IGSF11: variants seen among roughly 807,000 people sequenced by gnomAD.
The protein encoded by IGSF11 is CXADR like 1.
Under a neutral mutation model 41.0 loss-of-function variants are expected in IGSF11, and 22 were observed. The observed-to-expected ratio is 0.54, with a 90% CI of 0.38 to 0.77. IGSF11 has a LOEUF of 0.77. Among genes scored for constraint, IGSF11 ranks in the 30% least tolerant of loss-of-function variants. The pLI is 0.00. For missense variants in IGSF11, 444 were observed against 530.8 expected (o/e 0.84, Z 1.61); for synonymous variants, 219 against 201.3 (o/e 1.09, Z -0.74).
chr3:119,114,719 C>G (rs1039591496), intron 1 of IGSF11, among the ~76,000 whole-genome samples: 4 of 152,174 alleles, frequency 2.6e-5, no homozygotes, highest in African/African-American at 9.7e-5. Flanking sequence ...TTGCCTGTTA[C>G]CCAGTTTCAA....
intron 1 of IGSF11, among the ~76,000 whole-genome samples, chr3:119,131,226 T>A (rs146469051): frequency 2.1e-3 from 313 of 152,224 alleles, no homozygotes; most frequent in African/African-American, 7.2e-3. Context: ...GAAGTAGGGT[T>A]CAGAAGATCA....
At chr3:119,055,909 G>A (rs185179129) in intron 1 of IGSF11, among the ~76,000 whole-genome samples, 1 of 152,058 alleles carries the variant, frequency 6.6e-6, no homozygotes, top group Non-Finnish European at 1.5e-5. Context: ...AATAAAGATG[G>A]TCTTTGAAAC....
In IGSF11 at chr3:119,072,840, C is replaced by G. The variant is rs145635013; in HGVS notation, c.49+32304G>C. On this transcript the variant is annotated intron_variant, in intron 1 of 6. Coordinates refer to the IGSF11 transcript ENST00000354673. ...GACCCGAGCAGGTTGCCACTGCTGG[C>G]AGGGGCAGCCTGCTTTTATTCCCTA... is the stretch of plus-strand genomic sequence containing the variant. Among the ~76,000 whole-genome samples the G allele has an allele frequency of 8.0e-3, 1,218 of 152,264 alleles. 14 individuals carry two copies. Among genetic ancestry groups the G allele is most frequent in the African/African-American group, 0.027 (1,133 of 41,542 alleles).
intron 1 of IGSF11, among the ~76,000 whole-genome samples, chr3:119,054,677 TG>T (rs1368757586): frequency 6.6e-6 from 1 of 152,194 alleles, no homozygotes; most frequent in African/African-American, 2.4e-5. Context: ...ATCCTACTAC[TG>T]GTTATCTGCA....
At chr3:119,080,031 C>G (rs988757557) in intron 1 of IGSF11, among the ~76,000 whole-genome samples, 14 of 152,070 alleles carry the variant, frequency 9.2e-5, no homozygotes, top group African/African-American at 3.4e-4. Flanking sequence ...CACCTTGAAC[C>G]TAAAATAAAA....
At chr3:118,975,336 C>G (rs1285540828) in intron 1 of IGSF11, among the ~76,000 whole-genome samples, 1 of 137,956 alleles carries the variant, frequency 7.2e-6, no homozygotes, top group African/African-American at 2.9e-5. Flanking sequence ...CCATATGTGA[C>G]AAATAAATTT....
rs992079329 is a variant in IGSF11 at position 118,933,674 on chromosome 3, C to T, written c.53-3399G>A. Among the ~76,000 whole-genome samples the T allele has an allele frequency of 1.4e-4, 21 of 152,230 alleles. 1 individual carries two copies. Among genetic ancestry groups the T allele is most frequent in the African/African-American group, 4.8e-4 (20 of 41,536 alleles). On this transcript the variant is annotated intron_variant, in intron 1 of 6. Transcript: ENST00000393775. The stretch of plus-strand genomic sequence containing the variant: ...ACCCAGGCGGTTAGTCTATAAGGAA[C>T]ACACACTTACTACTACACATAACTC...
At chr3:118,992,849 C>T (rs916034056) in intron 1 of IGSF11, among the ~76,000 whole-genome samples, 1 of 151,944 alleles carries the variant, frequency 6.6e-6, no homozygotes, top group South Asian at 2.1e-4. Flanking sequence ...GTGACACTAC[C>T]GAAAAAGTGA....
At chr3:119,002,366 A>G (rs1936991228) in intron 1 of IGSF11, among the ~76,000 whole-genome samples, 3 of 150,832 alleles carry the variant, frequency 2.0e-5, no homozygotes, top group Admixed American at 2.0e-4. Flanking sequence ...TAGATTCTGG[A>G]TATTAGCCCT....
intron 1 of IGSF11, among the ~76,000 whole-genome samples, chr3:118,983,825 GT>G (rs1934981538): frequency 6.6e-6 from 1 of 152,030 alleles, no homozygotes; most frequent in African/African-American, 2.4e-5. Context: ...AATCACAGGG[GT>G]AAAAAAAGTA....
rs372730147 is a variant in IGSF11 at position 119,103,602 on chromosome 3, G to A, written c.49+1542C>T. On this transcript the variant is annotated intron_variant, in intron 1 of 6. Coordinates refer to the IGSF11 transcript ENST00000354673. ...TTATGACACAAGGTTATGCGTAAAA[G>A]TTTCTTTTTTCTTTTTACTTCTCCA... is the stretch of plus-strand genomic sequence containing the variant. Among the ~76,000 whole-genome samples the A allele has an allele frequency of 3.3e-5, 5 of 152,078 alleles. No homozygotes were observed. In the East Asian group the frequency reaches 5.8e-4, roughly 18 times the overall value.
At chr3:119,083,715 C>T (rs1049766129) in intron 1 of IGSF11, among the ~76,000 whole-genome samples, 1 of 152,156 alleles carries the variant, frequency 6.6e-6, no homozygotes, top group African/African-American at 2.4e-5. Context: ...TGTAAACAAA[C>T]CTACTGCTCT....
At chr3:118,913,546 A>T (rs1940622143) in intron 4 of IGSF11, among the ~76,000 whole-genome samples, 1 of 152,238 alleles carries the variant, frequency 6.6e-6, no homozygotes, top group South Asian at 2.1e-4. Flanking sequence ...CCTAGCATTT[A>T]TACTCACTAA....
chr3:118,918,773 G>A lies in IGSF11; in HGVS notation c.580+7328C>T, dbSNP rs1157811743. Reference sequence around the variant, plus strand: ...GAAAAAACTACTTTAAAGTTCATATGGAACAAAAAAAGAGCCCGCATCGCC... The same window carrying A: ...GAAAAAACTACTTTAAAGTTCATATAGAACAAAAAAAGAGCCCGCATCGCC... On this transcript the variant is annotated intron_variant, in intron 4 of 6. Transcript: ENST00000393775. Among the ~76,000 whole-genome samples, 4 of 142,210 alleles carry A rather than the reference G, an allele frequency of 2.8e-5. No homozygotes were observed. In the East Asian group the frequency reaches 6.4e-4, roughly 23 times the overall value. The allele number at this position is 142,210 out of a possible 152,430, so 93.3% of individuals were successfully genotyped here.
rs533437112 is a variant in IGSF11 at position 118,994,715 on chromosome 3, C to T, written c.52+39816G>A. 2.8e-3 allele frequency among the ~76,000 whole-genome samples: 424 copies of T among 152,300 alleles called. 2 individuals are homozygous for T. Among genetic ancestry groups the T allele is most frequent in the Non-Finnish European group, 5.1e-3 (346 of 68,014 alleles). ...CCAAGGAGTTCACTGCTTGTTAAGT[C>T]TAAGACAGATACATATGCCCATGGT... On this transcript the variant is annotated intron_variant, in intron 1 of 6. Transcript: ENST00000393775.
upstream of IGSF11, among the ~76,000 whole-genome samples, chr3:119,107,659 G>C (rs2077058468): frequency 6.6e-6 from 1 of 152,114 alleles, no homozygotes; most frequent in Admixed American, 6.5e-5. Flanking sequence ...TGAAGCTCTT[G>C]CCCATGCCTA....
Position 118,926,112 on chromosome 3 carries a change from G to A in IGSF11, c.569C>T (p.Thr190Ile). ...AGCACTGTACATACCCTGAGTAGCT[G>A]TTGGAGGTAGTTTGAGGGTATTGTC... ...KLDNTLKLPP[T>I]ATQDQVQGTV... Residue 190 changes from threonine (T) to isoleucine (I), a missense_variant, in exon 4 of 7, where the codon ACA (threonine) becomes ATA (isoleucine). This residue lies in a region of IGSF11 where 193 missense variants were observed against 283.5 expected (regional missense o/e 0.68). Coordinates refer to ENST00000393775, the MANE Select transcript of IGSF11 (RefSeq NM_001015887.3). 2 of 1,607,114 alleles carry A rather than the reference G, an allele frequency of 1.2e-6. No homozygotes were observed. The highest frequency in any genetic ancestry group is 1.1e-5 in the South Asian group (1 of 89,906).
Position 118,987,786 on chromosome 3 carries a change from G to A in IGSF11, c.52+46745C>T, listed in dbSNP as rs570930768. On this transcript the variant is annotated intron_variant, in intron 1 of 6. Transcript: ENST00000393775. ...TTTTTTTCCTGCAGCCAGAAGCCAA[G>A]AAGGCACAGACAGACGAATACCAAC... Among the ~76,000 whole-genome samples the A allele has an allele frequency of 4.6e-5, 7 of 152,328 alleles. No individual in the cohort carries two copies. The South Asian group carries it at 1.4e-3, about 32-fold the overall frequency.
At chr3:118,974,228 T>G (rs960960130) in intron 1 of IGSF11, among the ~76,000 whole-genome samples, 1 of 152,214 alleles carries the variant, frequency 6.6e-6, no homozygotes, top group African/African-American at 2.4e-5. Context: ...CATGGTATTG[T>G]AGGCAATGTG....
Sources: allele counts gnomAD v4.1 joint callset (sites outside exome capture counted in the v4.1 genomes callset), GRCh38; gene constraint gnomAD v4.1.1; regional missense constraint gnomAD v4.1.1; transcripts MANE v1.5; gene names NCBI Gene and HGNC (gene_info 2026-07-23, HGNC 2026-07-21).